The following GBA1 variants were observed in gnomAD, a reference collection of about 807,000 sequenced individuals.
GBA1 encodes the protein lysosomal acid glucosylceramidase.
chr1:155,240,071 C>A, the GBA1 span: 9 of 1,613,382 alleles, frequency 5.6e-6, no homozygotes, highest in Admixed American at 6.7e-5. Context: ...GATGCAGGGG[C>A]GGGCACCTGG....
the GBA1 span, among the ~76,000 whole-genome samples, chr1:155,242,551 C>A: frequency 1.3e-5 from 2 of 151,884 alleles, no homozygotes; most frequent in African/African-American, 2.4e-5. Flanking sequence ...TTTAAATGAT[C>A]TCAGTGAAGT....
chr1:155,236,393 G>A, the GBA1 span: 3 of 1,614,198 alleles, frequency 1.9e-6, no homozygotes, highest in Non-Finnish European at 1.7e-6. Flanking sequence ...GGTGGCTTTG[G>A]CTGGAGCCAG....
chr1:155,235,420 G>T, the GBA1 span: 1 of 1,549,210 alleles, frequency 6.5e-7, no homozygotes, highest in East Asian at 2.4e-5. Flanking sequence ...CAGAGGCTCT[G>T]CCCTGGCTCT....
At chr1:155,242,374 CAA>C in the GBA1 span, among the ~76,000 whole-genome samples, 1 of 152,090 alleles carries the variant, frequency 6.6e-6, no homozygotes, top group Admixed American at 6.6e-5. Context: ...AGGTGCCCTC[CAA>C]CATGCTCAGC....
chr1:155,239,437 A>T, the GBA1 span, among the ~76,000 whole-genome samples: 17 of 152,284 alleles, frequency 1.1e-4, no homozygotes, highest in African/African-American at 3.6e-4. Context: ...AGGCTGAGGC[A>T]GGAGAATCAC....
the GBA1 span, chr1:155,235,972 T>C: frequency 1.9e-6 from 2 of 1,058,752 alleles, no homozygotes; most frequent in South Asian, 2.6e-5. Context: ...CATTCCTTAG[T>C]AGCTAAGGAG....
At chr1:155,239,889 T>C in the GBA1 span, 3 of 1,614,090 alleles carry the variant, frequency 1.9e-6, no homozygotes, top group Non-Finnish European at 2.5e-6. Flanking sequence ...TGGTTACCTG[T>C]GCCCGTGTGA....
the GBA1 span, among the ~76,000 whole-genome samples, chr1:155,241,635 G>C: frequency 9.9e-5 from 15 of 152,204 alleles, no homozygotes; most frequent in Admixed American, 2.0e-4. Flanking sequence ...AGGCATGGAA[G>C]TCAGACACAC....
the GBA1 span, chr1:155,236,365 G>A: frequency 1.2e-6 from 2 of 1,614,148 alleles, no homozygotes; most frequent in East Asian, 2.2e-5. Flanking sequence ...TGGGGAACAG[G>A]CGGTGTGTCT....
the GBA1 span, chr1:155,235,845 C>A: frequency 8.7e-6 from 14 of 1,614,086 alleles, no homozygotes; most frequent in Non-Finnish European, 8.5e-7. Context: ...ACAGGAGGTT[C>A]TAGGGTAAGG....
the GBA1 span, among the ~76,000 whole-genome samples, chr1:155,243,753 T>C: frequency 6.6e-6 from 1 of 152,000 alleles, no homozygotes; most frequent in African/African-American, 2.4e-5. Flanking sequence ...GGTGAGGCAC[T>C]GCGCCCAGTC....
At chr1:155,237,476 C>T in the GBA1 span, 6 of 1,613,854 alleles carry the variant, frequency 3.7e-6, no homozygotes, top group South Asian at 6.6e-5. Context: ...GGGTGAAGCC[C>T]AGGCACTGGA....
At chr1:155,237,214 G>A in the GBA1 span, 2 of 1,542,144 alleles carry the variant, frequency 1.3e-6, no homozygotes, top group East Asian at 2.4e-5. Flanking sequence ...ATGGCACCCT[G>A]GAGGTCCAGG....
the GBA1 span, chr1:155,240,524 T>C: frequency 1.1e-6 from 1 of 894,198 alleles, no homozygotes; most frequent in East Asian, 2.4e-5. Flanking sequence ...AAGGATTTAT[T>C]GAGCACCTAC....
At chr1:155,240,001 G>T in the GBA1 span, 1 of 1,614,120 alleles carries the variant, frequency 6.2e-7, no homozygotes, top group Non-Finnish European at 8.5e-7. Context: ...GGGGGTCAAA[G>T]GAGTCACAGT....
the GBA1 span, chr1:155,238,681 T>C: frequency 3.7e-6 from 6 of 1,613,304 alleles, no homozygotes; most frequent in African/African-American, 1.3e-5. Context: ...GATATGGTAG[T>C]CCGAGTCAAT....
chr1:155,238,056 AG>A, the GBA1 span: 4 of 1,454,340 alleles, frequency 2.8e-6, no homozygotes, highest in Non-Finnish European at 3.9e-6. Context: ...AAGTGGAACT[AG>A]GTTGAGGGTT....
chr1:155,235,867 G>C, the GBA1 span: 1 of 1,614,238 alleles, frequency 6.2e-7, no homozygotes, highest in South Asian at 1.1e-5. Context: ...CAAAGGCAAA[G>C]AGACAAAGGC....
At chr1:155,238,314 C>G in the GBA1 span, 5 of 1,566,426 alleles carry the variant, frequency 3.2e-6, no homozygotes, top group Non-Finnish European at 4.3e-6. Context: ...TATCTAGAGA[C>G]AAAGGTAGTG....
Sources: gnomAD v4.1 joint callset for allele counts (sites outside exome capture counted in the v4.1 genomes callset) on GRCh38, gnomAD v4.1.1 for gene constraint, MANE v1.5 for transcripts, NCBI Gene and HGNC (gene_info 2026-07-23, HGNC 2026-07-21) for gene names.